The following CSMD1 variants were observed in gnomAD, a reference collection of about 807,000 sequenced individuals.
CSMD1 encodes the protein CUB and sushi domain-containing protein 1.
CSMD1 carries 213 observed loss-of-function variants against 417.5 expected under a neutral mutation model. The observed-to-expected ratio is 0.51, with a 90% CI of 0.46 to 0.57. The LOEUF is 0.57. Among genes scored for constraint, CSMD1 ranks in the 20% least tolerant of loss-of-function variants. The pLI, the probability that CSMD1 is intolerant of heterozygous loss-of-function variation, is 0.00. For missense variants in CSMD1, 6,923 were observed against 4,529.7 expected (o/e 1.53, Z -15.17); for synonymous variants, 2,862 against 1,736.8 (o/e 1.65, Z -16.11).
intron 8 of CSMD1, among the ~76,000 whole-genome samples, chr8:3,612,781 C>T (rs569912131): frequency 1.3e-5 from 2 of 152,060 alleles, no homozygotes; most frequent in South Asian, 2.1e-4. Flanking sequence ...CAAAGCATTA[C>T]TTAGAGGAAA....
chr8:4,361,771 C>A (rs1343490100), intron 3 of CSMD1, among the ~76,000 whole-genome samples: 1 of 151,992 alleles, frequency 6.6e-6, no homozygotes, highest in African/African-American at 2.4e-5. Context: ...CTGGCTAACA[C>A]GGTGAAACCC....
At chr8:3,569,083 A>C (rs1208149370) in intron 10 of CSMD1, among the ~76,000 whole-genome samples, 1 of 152,192 alleles carries the variant, frequency 6.6e-6, no homozygotes, top group Non-Finnish European at 1.5e-5. Flanking sequence ...ATTACTTTGC[A>C]TTGACTTTCT....
intron 17 of CSMD1, among the ~76,000 whole-genome samples, chr8:3,391,309 T>A (rs1292088906): frequency 1.3e-5 from 2 of 152,240 alleles, no homozygotes; most frequent in African/African-American, 2.4e-5. Context: ...ATCTTTCTTC[T>A]GCCTTCAGAG....
chr8:3,112,382 T>G (rs191309523), intron 42 of CSMD1, among the ~76,000 whole-genome samples: 4 of 152,184 alleles, frequency 2.6e-5, no homozygotes, highest in African/African-American at 9.7e-5. Context: ...TTATATATAG[T>G]AGCACCCTTC....
intron 3 of CSMD1, among the ~76,000 whole-genome samples, chr8:4,049,165 A>T (rs915311730): frequency 6.6e-6 from 1 of 152,058 alleles, no homozygotes; most frequent in Non-Finnish European, 1.5e-5. Context: ...CTTTAATTGT[A>T]ACATCAAAGA....
intron 41 of CSMD1, chr8:3,128,128 A>T (rs970959963): frequency 1.3e-5 from 2 of 152,226 alleles, no homozygotes; most frequent in African/African-American, 2.4e-5. Context: ...CAAAAGTAAA[A>T]TAACACAGAG....
intron 7 of CSMD1, among the ~76,000 whole-genome samples, chr8:3,663,757 A>G (rs1027429485): frequency 2.0e-5 from 3 of 152,182 alleles, no homozygotes; most frequent in Non-Finnish European, 2.9e-5. Context: ...GACCGAACCA[A>G]CGTTCACCTC....
intron 9 of CSMD1, among the ~76,000 whole-genome samples, chr8:3,578,615 A>T (rs1202146970): frequency 6.6e-6 from 1 of 152,138 alleles, no homozygotes. Context: ...AGAAACATAG[A>T]CGTATGAAAG....
At chr8:4,919,963 G>A (rs895981831) in intron 1 of CSMD1, among the ~76,000 whole-genome samples, 5 of 152,104 alleles carry the variant, frequency 3.3e-5, no homozygotes, top group African/African-American at 9.7e-5. Context: ...CCTTGATCTT[G>A]GACTTCCCAG....
Position 4,494,352 on chromosome 8 carries a change from G to A in CSMD1, c.303-74287C>T, listed in dbSNP as rs917373841. On this transcript the variant is annotated intron_variant, in intron 2 of 69. Coordinates refer to ENST00000635120, the MANE Select transcript of CSMD1 (RefSeq NM_033225.6). ...CCATGGTAAATTGCAATTGCTCAGT[G>A]ACATTTGAGACTTACTAAAGTGAAA... Among the ~76,000 whole-genome samples the A allele has an allele frequency of 3.3e-5, 5 of 152,140 alleles. No individual in the cohort carries two copies. In the East Asian group the frequency reaches 7.7e-4, roughly 23 times the overall value.
chr8:3,877,610 C>G (rs34563530), intron 5 of CSMD1, among the ~76,000 whole-genome samples: 42,425 of 152,076 alleles, frequency 0.28, 8,090 homozygotes, highest in African/African-American at 0.54. Flanking sequence ...CCAGAATCCA[C>G]AATTTCTGCC....
chr8:4,103,844 C>T (rs974149439), intron 3 of CSMD1, among the ~76,000 whole-genome samples: 2 of 152,184 alleles, frequency 1.3e-5, no homozygotes, highest in African/African-American at 4.8e-5. Context: ...GCTCTAACTC[C>T]CTGGCAGCAT....
intron 1 of CSMD1, among the ~76,000 whole-genome samples, chr8:4,929,518 A>G (rs78710323): frequency 0.025 from 3,790 of 152,248 alleles, 150 homozygotes; most frequent in African/African-American, 0.086. Flanking sequence ...TCCTGTCTTG[A>G]TATTTCAGAA....
At chr8:3,934,583 G>A (rs1049646197) in intron 5 of CSMD1, among the ~76,000 whole-genome samples, 3 of 152,096 alleles carry the variant, frequency 2.0e-5, no homozygotes, top group Non-Finnish European at 4.4e-5. Context: ...GGCCAGGCGC[G>A]GTGGCTGATG....
At chr8:3,735,729 G>A (rs1220547673) in intron 6 of CSMD1, among the ~76,000 whole-genome samples, 1 of 152,184 alleles carries the variant, frequency 6.6e-6, no homozygotes, top group African/African-American at 2.4e-5. Context: ...CTCGTTTGGA[G>A]CAAGGCCTAC....
intron 5 of CSMD1, among the ~76,000 whole-genome samples, chr8:3,949,655 C>A (rs2975395): frequency 6.6e-6 from 1 of 151,550 alleles, no homozygotes; most frequent in Non-Finnish European, 1.5e-5. Context: ...GAAGGGGCAA[C>A]GAGGATGAGA....
chr8:4,296,917 C>T (rs966252277), intron 3 of CSMD1, among the ~76,000 whole-genome samples: 1 of 151,946 alleles, frequency 6.6e-6, no homozygotes, highest in African/African-American at 2.4e-5. Flanking sequence ...TATTCCTGTG[C>T]ATGAGTGATG....
intron 1 of CSMD1, among the ~76,000 whole-genome samples, chr8:4,867,857 T>A (rs527914478): frequency 1.2e-4 from 19 of 152,266 alleles, no homozygotes; most frequent in African/African-American, 4.6e-4. Flanking sequence ...CAATATTTTA[T>A]ATCATTACAG....
intron 18 of CSMD1, among the ~76,000 whole-genome samples, chr8:3,372,184 A>T (rs1039504922): frequency 6.6e-6 from 1 of 152,212 alleles, no homozygotes; most frequent in African/African-American, 2.4e-5. Context: ...TGGTCTATAA[A>T]TAAGGACTTG....
Sources: allele counts gnomAD v4.1 joint callset (sites outside exome capture counted in the v4.1 genomes callset), GRCh38; gene constraint gnomAD v4.1.1; transcripts MANE v1.5; gene names NCBI Gene and HGNC (gene_info 2026-07-23, HGNC 2026-07-21).